The following PRKCE variants were observed in gnomAD, a reference collection of about 807,000 sequenced individuals.
PRKCE encodes protein kinase C epsilon type.
PRKCE carries 16 observed loss-of-function variants against 85.4 expected under a neutral mutation model. The ratio of observed to expected loss-of-function variants is 0.19; its 90% CI spans 0.13 to 0.28. The LOEUF (loss-of-function observed/expected upper bound fraction) is 0.28. PRKCE is among the 10% of genes least tolerant of loss of function. The pLI is 1.00. For missense variants in PRKCE, 573 were observed against 975.2 expected, an observed-to-expected ratio of 0.59 and a Z score of 5.49; for synonymous variants, 388 against 371.5, an observed-to-expected ratio of 1.04 and a Z score of -0.51.
chr2:45,970,609 C>T (rs140425420), intron 2 of PRKCE, among the ~76,000 whole-genome samples: 3 of 152,080 alleles, frequency 2.0e-5, no homozygotes, highest in African/African-American at 7.2e-5. Context: ...CCCATGAGCT[C>T]TGGGTAGCTC....
rs564148857 is a variant in PRKCE at position 45,720,613 on chromosome 2, G to T, written c.348+68165G>T. On this transcript the variant is annotated intron_variant, in intron 1 of 14. Transcript: ENST00000306156. ...CACTTCCAAATGTTCCCCTGGGAGG[G>T]CAGTACTGTCCTCTGGTGAGACCCA... 3.3e-5 allele frequency among the ~76,000 whole-genome samples: 5 copies of T among 152,256 alleles called. No homozygotes were observed. In the East Asian group the frequency reaches 9.7e-4, roughly 29 times the overall value.
At chr2:45,944,951 C>T (rs970291931) in intron 2 of PRKCE, among the ~76,000 whole-genome samples, 1 of 152,054 alleles carries the variant, frequency 6.6e-6, no homozygotes, top group Non-Finnish European at 1.5e-5. Flanking sequence ...GTTTTTGTGC[C>T]CTCAGCCTTC....
chr2:45,829,840 G>T (rs545895082), intron 1 of PRKCE, among the ~76,000 whole-genome samples: 1 of 151,960 alleles, frequency 6.6e-6, no homozygotes, highest in Admixed American at 6.6e-5. Context: ...TTGGGAGGCC[G>T]AGGCGGGCGG....
At chr2:46,151,294 C>G in intron 13 of PRKCE, 65 bp downstream of exon 13, 1 of 1,073,226 alleles carries the variant, frequency 9.3e-7, no homozygotes, top group Non-Finnish European at 1.3e-6. Flanking sequence ...CACACACACA[C>G]ACACACACAC....
At position 45,786,018 on chromosome 2, in the gene PRKCE, C is replaced by T. The variant is rs1399399383; in HGVS notation, c.349-56982C>T. On this transcript the variant is annotated intron_variant, in intron 1 of 14. Coordinates refer to ENST00000306156, the MANE Select transcript of PRKCE (RefSeq NM_005400.3). The surrounding 1 kb of genome is among the most constrained non-coding windows in gnomAD (Gnocchi z 5.3). ...CTGCAGTCATGCTGCCTCAGCGCTG[C>T]TGAGGGGTCTAGAGTCTCACAGCCC... Among the ~76,000 whole-genome samples the T allele has an allele frequency of 6.6e-6, 1 of 152,176 alleles. No homozygotes were observed. The highest frequency in any genetic ancestry group is 6.5e-5 in the Admixed American group (1 of 15,274).
intron 10 of PRKCE, among the ~76,000 whole-genome samples, chr2:46,061,452 G>C (rs34848396): frequency 0.18 from 27,053 of 151,758 alleles, 2,928 homozygotes; most frequent in Non-Finnish European, 0.24. Context: ...CTATAATTTA[G>C]TTATCGTTGT....
At chr2:46,003,787 A>G (rs1013974840) in intron 7 of PRKCE, among the ~76,000 whole-genome samples, 10 of 152,362 alleles carry the variant, frequency 6.6e-5, no homozygotes, top group Admixed American at 3.3e-4. Flanking sequence ...TTAAAAGTGA[A>G]CAAACTGAAG....
At chr2:45,777,046 A>G (rs1325117506) in intron 1 of PRKCE, among the ~76,000 whole-genome samples, 1 of 152,156 alleles carries the variant, frequency 6.6e-6, no homozygotes, top group Non-Finnish European at 1.5e-5. Flanking sequence ...TTGGAAGAAT[A>G]ACGTGAGTTC....
chr2:45,779,571 C>T (rs1008450394), intron 1 of PRKCE, among the ~76,000 whole-genome samples: 8 of 135,108 alleles, frequency 5.9e-5, no homozygotes, highest in South Asian at 2.3e-4. Flanking sequence ...GTTTGATGGA[C>T]GAAATTTAAA....
intron 4 of PRKCE, 147 bp from the exon 5 acceptor site, chr2:45,980,149 A>G: frequency 1.6e-6 from 1 of 638,500 alleles, no homozygotes; most frequent in South Asian, 2.1e-5. Flanking sequence ...TAGCTGTATA[A>G]AAGACTTTAG....
intron 1 of PRKCE, among the ~76,000 whole-genome samples, chr2:45,822,849 G>A (rs746849374): frequency 4.6e-5 from 7 of 152,148 alleles, no homozygotes; most frequent in African/African-American, 9.7e-5. Flanking sequence ...TTTCAGTAAT[G>A]ATTCCCTTAT....
intron 10 of PRKCE, chr2:46,078,944 C>G (rs113233233): frequency 6.6e-6 from 1 of 152,122 alleles, no homozygotes; most frequent in Admixed American, 6.6e-5. Context: ...TTTGGGAGGC[C>G]GAAGCAAGTG....
intron 1 of PRKCE, chr2:45,770,937 A>G (rs1046295698): frequency 5.3e-5 from 8 of 152,072 alleles, no homozygotes; most frequent in Non-Finnish European, 1.0e-4. Context: ...ATGTGAGTGG[A>G]AAATATTTAA....
chr2:46,121,915 G>A (rs1464259923), intron 11 of PRKCE, among the ~76,000 whole-genome samples: 1 of 152,150 alleles, frequency 6.6e-6, no homozygotes, highest in Non-Finnish European at 1.5e-5. Flanking sequence ...AGTAAATCAG[G>A]CCAAGGGAAA....
chr2:46,085,087 G>A (rs1669463955), intron 10 of PRKCE, among the ~76,000 whole-genome samples: 1 of 152,048 alleles, frequency 6.6e-6, no homozygotes, highest in Non-Finnish European at 1.5e-5. Context: ...GTAATTATTT[G>A]CCCTCACCTA....
intron 10 of PRKCE, among the ~76,000 whole-genome samples, chr2:46,015,691 CAAAAA>C (rs749060776): frequency 7.4e-5 from 6 of 80,798 alleles, no homozygotes; most frequent in Non-Finnish European, 9.8e-5. Flanking sequence ...AACACTAAAC[CAAAAA>C]AAAAAAAAAA....
At position 45,974,588 on chromosome 2, in the gene PRKCE, G is replaced by A. The variant is rs191331660; in HGVS notation, c.413-1841G>A. On this transcript the variant is annotated intron_variant, in intron 2 of 14. Transcript: ENST00000306156. ...CTGCGTCCTTGGAAGCACACGCTGC[G>A]CATTTGGTCCTGTTCTCACCTTTTA... is the stretch of plus-strand genomic sequence containing the variant. Among the ~76,000 whole-genome samples, 14 of 152,292 alleles carry A rather than the reference G, an allele frequency of 9.2e-5. No homozygotes were observed. The East Asian group carries it at 1.9e-3, about 21-fold the overall frequency.
chr2:46,048,204 T>C (rs1708643673), intron 10 of PRKCE, among the ~76,000 whole-genome samples: 1 of 152,048 alleles, frequency 6.6e-6, no homozygotes, highest in Non-Finnish European at 1.5e-5. Context: ...GTTCTTTCTC[T>C]GACTAGCCAT....
At chr2:45,980,929 T>C (rs568502432) in intron 5 of PRKCE, among the ~76,000 whole-genome samples, 2 of 152,202 alleles carry the variant, frequency 1.3e-5, no homozygotes, top group Admixed American at 1.3e-4. Context: ...GAGGTAGATG[T>C]TATTATCTTC....
Sources: allele counts gnomAD v4.1 joint callset (sites outside exome capture counted in the v4.1 genomes callset), GRCh38; gene constraint gnomAD v4.1.1; non-coding constraint Gnocchi (gnomAD v3.1); transcripts MANE v1.5; gene names NCBI Gene and HGNC (gene_info 2026-07-23, HGNC 2026-07-21).